SOX5: variants seen among roughly 807,000 people sequenced by gnomAD.
SOX5 encodes the protein SRY-box transcription factor 5.
SOX5 carries 9 observed loss-of-function variants against 92.0 expected under a neutral mutation model. The observed-to-expected ratio is 0.10, with a 90% CI of 0.06 to 0.17. The LOEUF is 0.17. Ranked by LOEUF, SOX5 falls within the 10% of genes least tolerant of loss-of-function variation. The pLI, the probability that SOX5 is intolerant of heterozygous loss-of-function variation, is 1.00. For missense variants in SOX5, 642 were observed against 944.5 expected, an observed-to-expected ratio of 0.68 and a Z score of 4.20; for synonymous variants, 344 against 336.3, an observed-to-expected ratio of 1.02 and a Z score of -0.25.
chr12:23,684,090 A>C (rs754149427), intron 6 of SOX5, among the ~76,000 whole-genome samples: 1 of 151,958 alleles, frequency 6.6e-6, no homozygotes, highest in African/African-American at 2.4e-5. Context: ...TAAATATACA[A>C]TAAAGATTTC....
intron 9 of SOX5, among the ~76,000 whole-genome samples, chr12:23,595,993 T>C (rs1952355982): frequency 6.6e-6 from 1 of 152,194 alleles, no homozygotes; most frequent in Non-Finnish European, 1.5e-5. Context: ...GACTCCTTGA[T>C]ATTGCGAGAC....
At chr12:24,498,920 G>A (rs559157716) in intron 1 of SOX5, among the ~76,000 whole-genome samples, 2 of 152,218 alleles carry the variant, frequency 1.3e-5, no homozygotes, top group East Asian at 3.9e-4. Flanking sequence ...TCCTGGCATA[G>A]GGACATAGTG....
chr12:24,127,463 A>C (rs1424080114), intron 4 of SOX5, among the ~76,000 whole-genome samples: 1 of 151,842 alleles, frequency 6.6e-6, no homozygotes, highest in Non-Finnish European at 1.5e-5. Flanking sequence ...TCATTATCTT[A>C]TTAATGCTAT....
intron 4 of SOX5, among the ~76,000 whole-genome samples, chr12:24,109,414 G>A (rs571399341): frequency 4.7e-4 from 71 of 152,130 alleles, no homozygotes; most frequent in Non-Finnish European, 8.8e-4. Flanking sequence ...CTTTATCTAA[G>A]TTTAAAGAAT....
rs575624059 is a variant in SOX5 at position 23,969,347 on chromosome 12, G to A, written c.-1-73323C>T. 2.0e-3 allele frequency among the ~76,000 whole-genome samples: 310 copies of A among 151,316 alleles called. 1 individual carries two copies. Among genetic ancestry groups the A allele is most frequent in the Middle Eastern group, 3.4e-3 (1 of 294 alleles). On this transcript the variant is annotated intron_variant, in intron 4 of 4. Transcript: ENST00000446891. ...TCCATTTTTTTTCCCACACTGTACC[G>A]AGACCAATGTTCGTCAGACAAAAAT...
At chr12:24,510,012 G>A (rs1469870843) in intron 1 of SOX5, among the ~76,000 whole-genome samples, 1 of 152,152 alleles carries the variant, frequency 6.6e-6, no homozygotes, top group African/African-American at 2.4e-5. Context: ...CACTTAATCT[G>A]TATTAAGGGC....
At chr12:24,389,810 C>G (rs1423019538) in intron 1 of SOX5, among the ~76,000 whole-genome samples, 2 of 152,148 alleles carry the variant, frequency 1.3e-5, no homozygotes, top group African/African-American at 2.4e-5. Context: ...GACTGTTTTC[C>G]AAACAGCTGC....
At chr12:23,635,663 AAAGT>A (rs1184695861) in intron 8 of SOX5, among the ~76,000 whole-genome samples, 1 of 152,218 alleles carries the variant, frequency 6.6e-6, no homozygotes, top group East Asian at 1.9e-4. Context: ...CCTAGAACTT[AAAGT>A]ATAATAATAA....
intron 3 of SOX5, among the ~76,000 whole-genome samples, chr12:23,795,494 CT>C (rs1157990812): frequency 1.3e-5 from 2 of 152,104 alleles, no homozygotes; most frequent in Non-Finnish European, 2.9e-5. Flanking sequence ...ACAGAAGCTC[CT>C]TTAAGTCTTG....
intron 2 of SOX5, among the ~76,000 whole-genome samples, chr12:24,317,148 G>A (rs980308497): frequency 6.6e-6 from 1 of 152,162 alleles, no homozygotes; most frequent in African/African-American, 2.4e-5. Flanking sequence ...ATTGACAATT[G>A]TGTTTAACAA....
At chr12:24,362,005 T>C (rs772528308) in intron 2 of SOX5, among the ~76,000 whole-genome samples, 1 of 152,190 alleles carries the variant, frequency 6.6e-6, no homozygotes, top group Non-Finnish European at 1.5e-5. Context: ...AAATAACTGT[T>C]TTATAAGAGA....
At chr12:24,066,113 C>T (rs933274827) in intron 4 of SOX5, among the ~76,000 whole-genome samples, 3 of 152,058 alleles carry the variant, frequency 2.0e-5, no homozygotes, top group African/African-American at 7.2e-5. Flanking sequence ...AACAAATGCA[C>T]TTGGGATTAA....
chr12:23,758,451 T>C (rs2094467584), intron 3 of SOX5, among the ~76,000 whole-genome samples: 1 of 151,676 alleles, frequency 6.6e-6, no homozygotes, highest in Admixed American at 6.6e-5. Context: ...TAATAATAGC[T>C]ACTATTTAGA....
intron 1 of SOX5, among the ~76,000 whole-genome samples, chr12:24,441,709 G>T (rs553643764): frequency 6.6e-6 from 1 of 152,136 alleles, no homozygotes; most frequent in African/African-American, 2.4e-5. Flanking sequence ...AACAATGGGG[G>T]GAAAAAGAAA....
At chr12:24,044,038 G>A (rs1442332906) in intron 4 of SOX5, among the ~76,000 whole-genome samples, 1 of 152,058 alleles carries the variant, frequency 6.6e-6, no homozygotes, top group African/African-American at 2.4e-5. Context: ...CAAATAAATT[G>A]TCATCATTGT....
chr12:23,776,904 C>T (rs1407810084), intron 3 of SOX5, among the ~76,000 whole-genome samples: 5 of 152,102 alleles, frequency 3.3e-5, no homozygotes, highest in African/African-American at 1.2e-4. Flanking sequence ...GGTTGGGGAC[C>T]CCTGATCTAA....
chr12:24,079,472 A>G (rs1237216579), intron 4 of SOX5, among the ~76,000 whole-genome samples: 2 of 151,998 alleles, frequency 1.3e-5, no homozygotes, highest in Non-Finnish European at 1.5e-5. Context: ...ATTTTTGCAT[A>G]TTTCCTAAAT....
intron 4 of SOX5, among the ~76,000 whole-genome samples, chr12:24,072,262 C>T (rs1941893441): frequency 6.6e-6 from 1 of 152,132 alleles, no homozygotes; most frequent in South Asian, 2.1e-4. Context: ...GTGGATATTT[C>T]ATTGGCAAGA....
At chr12:23,568,755 C>T (rs1182814577) in intron 10 of SOX5, among the ~76,000 whole-genome samples, 1 of 152,144 alleles carries the variant, frequency 6.6e-6, no homozygotes, top group Non-Finnish European at 1.5e-5. Context: ...AAATTTGCTT[C>T]TCCATCCTCT....
Sources: gnomAD v4.1 joint callset for allele counts (sites outside exome capture counted in the v4.1 genomes callset) on GRCh38, gnomAD v4.1.1 for gene constraint, MANE v1.5 for transcripts, NCBI Gene and HGNC (gene_info 2026-07-23, HGNC 2026-07-21) for gene names.